Variants in ZC3H18 observed in about 807,000 individuals in gnomAD.
The protein encoded by ZC3H18 is zinc finger CCCH-type containing 18.
In ZC3H18, 8 loss-of-function variants were observed where a neutral mutation model predicts 106.1. That is an observed-to-expected ratio of 0.08 (90% CI 0.04 to 0.14). ZC3H18 has a LOEUF of 0.14. Among genes scored for constraint, ZC3H18 ranks in the 10% least tolerant of loss-of-function variants. ZC3H18 has a pLI of 1.00. For synonymous variants in ZC3H18, 635 were observed against 522.1 expected (o/e 1.22, Z -2.95); for missense variants, 1,318 against 1,278.4 (o/e 1.03, Z -0.47).
At chr16:88,623,041 G>A in intron 9 of ZC3H18, 178 bp from the exon 10 acceptor site, 8 of 823,666 alleles carry the variant, frequency 9.7e-6, no homozygotes, top group Non-Finnish European at 1.5e-5. Flanking sequence ...ACTGAAGAGT[G>A]TCTGGGGGAG....
intron 13 of ZC3H18, chr16:88,625,699 T>G: frequency 5.3e-6 from 1 of 187,246 alleles, no homozygotes; most frequent in Non-Finnish European, 1.1e-5. Flanking sequence ...GAGAAGAGAA[T>G]ACATGGAAAA....
At chr16:88,610,773 C>T (rs1597347408) in intron 7 of ZC3H18, among the ~76,000 whole-genome samples, 1 of 152,234 alleles carries the variant, frequency 6.6e-6, no homozygotes, top group African/African-American at 2.4e-5. Context: ...AGAGGCAGGG[C>T]ATGTGCTCTG....
Position 88,627,983 on chromosome 16 carries a change from C to T in ZC3H18, c.2333C>T (p.Pro778Leu). 1 of 1,614,162 alleles carries T rather than the reference C, an allele frequency of 6.2e-7. No individual in the cohort carries two copies. The highest frequency in any genetic ancestry group is 8.5e-7 in the Non-Finnish European group (1 of 1,180,042). Residue 778 changes from proline (P) to leucine (L), a missense_variant, in exon 15 of 18, where the codon CCA (proline) becomes CTA (leucine). By Grantham distance (98) the Pro-to-Leu change is moderately conservative. This residue lies in a region of ZC3H18 where 848 missense variants were observed against 821.7 expected (regional missense o/e 1.03). Transcript: ENST00000301011. This position sits in a 1 kb window ranked among gnomAD's most constrained non-coding sequence, Gnocchi z 4.5. Reference protein sequence around the residue: ...EKRKRDSSTQPPKSAKPPAGG... With the variant: ...EKRKRDSSTQLPKSAKPPAGG... The stretch of plus-strand genomic sequence containing the variant: ...CGGAAAAGGGATTCGTCCACACAAC[C>T]ACCCAAATCTGCAAAACCTCCAGCA...
At chr16:88,600,526 G>C (rs570264746) in intron 6 of ZC3H18, among the ~76,000 whole-genome samples, 1 of 152,250 alleles carries the variant, frequency 6.6e-6, no homozygotes, top group South Asian at 2.1e-4. Context: ...TGATTCTCCT[G>C]CTTCAGCCTC....
chr16:88,580,612 C>G (rs1052970799), intron 2 of ZC3H18, among the ~76,000 whole-genome samples: 2 of 152,176 alleles, frequency 1.3e-5, no homozygotes, highest in Non-Finnish European at 2.9e-5. Flanking sequence ...GTATCTCCAC[C>G]AAGCCCACCT....
At chr16:88,580,401 G>A (rs1372644862) in intron 2 of ZC3H18, among the ~76,000 whole-genome samples, 1 of 152,098 alleles carries the variant, frequency 6.6e-6, no homozygotes, top group Non-Finnish European at 1.5e-5. Flanking sequence ...GCAGTGAGTG[G>A]AAGGTCCACG....
In ZC3H18 at chr16:88,587,078, C is replaced by T. The variant is rs181546113; in HGVS notation, c.688+394C>T. Among the ~76,000 whole-genome samples, 643 of 152,302 alleles carry T rather than the reference C, an allele frequency of 4.2e-3. 17 individuals are homozygous for T. Among genetic ancestry groups the T allele is most frequent in the Admixed American group, 0.036 (556 of 15,296 alleles). On this transcript the variant is annotated intron_variant, in intron 3 of 17. Coordinates refer to ENST00000301011, the MANE Select transcript of ZC3H18 (RefSeq NM_144604.4). ...ATTTTCCCCACCTCTGTAGAGATGGCCGCTTTTCCTGCAAGATGTGTCCGA... is the reference window on the plus strand; with the variant it reads ...ATTTTCCCCACCTCTGTAGAGATGGTCGCTTTTCCTGCAAGATGTGTCCGA...
intron 15 of ZC3H18, 123 bp from the exon 16 acceptor site, chr16:88,628,635 G>T (rs1004268851): frequency 3.9e-6 from 4 of 1,018,590 alleles, no homozygotes; most frequent in Middle Eastern, 2.6e-4. Context: ...GGGTCTCATG[G>T]GTGTGTGGTG....
At chr16:88,577,979 G>C (rs994991999) in intron 2 of ZC3H18, among the ~76,000 whole-genome samples, 4 of 152,190 alleles carry the variant, frequency 2.6e-5, no homozygotes, top group Non-Finnish European at 5.9e-5. Context: ...GCCAGCTGGT[G>C]GGATTGTTTG....
chr16:88,573,025 G>A (rs1914509814), intron 1 of ZC3H18, among the ~76,000 whole-genome samples: 1 of 152,060 alleles, frequency 6.6e-6, no homozygotes, highest in Non-Finnish European at 1.5e-5. Flanking sequence ...CCAAAGTGCT[G>A]GGATTACAGG....
chr16:88,611,482 A>T lies in ZC3H18; in HGVS notation c.1421A>T (p.Lys474Met). 1 of 1,550,278 alleles carries T rather than the reference A, an allele frequency of 6.5e-7. No individual in the cohort carries two copies. The highest frequency in any genetic ancestry group is 2.4e-5 in the East Asian group (1 of 40,886). The change falls in exon 8 of 18, where the codon AAG (lysine) becomes ATG (methionine). Residue 474 changes from lysine to methionine, a missense_variant. By Grantham distance (95) the Lys-to-Met change is moderately conservative. Around this residue, in one of 6 missense-constraint regions of ZC3H18, gnomAD observed 848 missense variants for 821.7 expected, o/e 1.03. Coordinates refer to ENST00000301011, the MANE Select transcript of ZC3H18 (RefSeq NM_144604.4). ...DRQHRDRDRE[K>M]EREKEKGKPK... ...CAGCACCGTGACCGCGACCGGGAGA[A>T]GGAGCGGGAGAAGGAGAAGGGGAAG...
chr16:88,581,736 A>C (rs1446473292), intron 2 of ZC3H18, among the ~76,000 whole-genome samples: 1 of 152,148 alleles, frequency 6.6e-6, no homozygotes, highest in Non-Finnish European at 1.5e-5. Flanking sequence ...GAGTGCGTGG[A>C]GCCCACCCTG....
At chr16:88,591,618 C>A (rs1349830810) in intron 3 of ZC3H18, among the ~76,000 whole-genome samples, 5 of 152,116 alleles carry the variant, frequency 3.3e-5, no homozygotes, top group Non-Finnish European at 7.4e-5. Flanking sequence ...TGTGGAGCAG[C>A]TGCATTGGGT....
intron 7 of ZC3H18, among the ~76,000 whole-genome samples, 169 bp from the exon 8 acceptor site, chr16:88,611,099 G>C (rs1905247743): frequency 6.6e-6 from 1 of 152,244 alleles, no homozygotes; most frequent in African/African-American, 2.4e-5. Context: ...CTCCACCGCA[G>C]AGAGTTCAAT....
At chr16:88,624,916 C>G (rs1233599422) in intron 12 of ZC3H18, among the ~76,000 whole-genome samples, 171 bp downstream of exon 12, 1 of 152,242 alleles carries the variant, frequency 6.6e-6, no homozygotes, top group Non-Finnish European at 1.5e-5. Context: ...CCTGTCCCCT[C>G]CCTGAGCCTG....
At chr16:88,610,624 G>A (rs1401749729) in intron 7 of ZC3H18, among the ~76,000 whole-genome samples, 3 of 152,256 alleles carry the variant, frequency 2.0e-5, no homozygotes, top group Non-Finnish European at 4.4e-5. Context: ...CATCAGGTGC[G>A]TTGTGATTGG....
At chr16:88,610,769 A>G (rs1229886335) in intron 7 of ZC3H18, among the ~76,000 whole-genome samples, 1 of 152,270 alleles carries the variant, frequency 6.6e-6, no homozygotes, top group African/African-American at 2.4e-5. Flanking sequence ...CTCCAGAGGC[A>G]GGGCATGTGC....
intron 7 of ZC3H18, among the ~76,000 whole-genome samples, chr16:88,609,837 G>C (rs1905190717): frequency 6.6e-6 from 1 of 152,152 alleles, no homozygotes; most frequent in Non-Finnish European, 1.5e-5. Flanking sequence ...CCGATCTCAG[G>C]TGATCTGCCT....
chr16:88,598,933 C>G (rs1219624047), intron 5 of ZC3H18, among the ~76,000 whole-genome samples: 1 of 152,202 alleles, frequency 6.6e-6, no homozygotes, highest in Non-Finnish European at 1.5e-5. Flanking sequence ...AAACTCGACT[C>G]ACTGCAGCCT....
Sources: allele counts gnomAD v4.1 joint callset (sites outside exome capture counted in the v4.1 genomes callset), GRCh38; gene constraint gnomAD v4.1.1; regional missense constraint gnomAD v4.1.1; non-coding constraint Gnocchi (gnomAD v3.1); transcripts MANE v1.5; gene names NCBI Gene and HGNC (gene_info 2026-07-23, HGNC 2026-07-21).